STK3: variants seen among roughly 807,000 people sequenced by gnomAD.
STK3 encodes the protein serine/threonine kinase 3.
Under a neutral mutation model 58.0 loss-of-function variants are expected in STK3, and 41 were observed. The ratio of observed to expected loss-of-function variants is 0.71; its 90% confidence interval spans 0.55 to 0.92. The LOEUF (loss-of-function observed/expected upper bound fraction) is 0.92, where lower values mean the gene tolerates loss of function less well. Among genes scored for constraint, STK3 ranks in the 40% least tolerant of loss-of-function variants. The pLI is 0.00. For synonymous variants in STK3, 170 were observed against 191.0 expected (o/e 0.89, Z 0.91); for missense variants, 479 against 602.7 (o/e 0.79, Z 2.15).
intron 7 of STK3, among the ~76,000 whole-genome samples, chr8:98,587,436 A>G (rs1040622899): frequency 8.5e-5 from 13 of 152,106 alleles, no homozygotes; most frequent in Admixed American, 4.6e-4. Flanking sequence ...CCTGAGTTCT[A>G]GTTTGATTGC....
At chr8:98,662,482 C>T (rs1038276827) in intron 6 of STK3, among the ~76,000 whole-genome samples, 2 of 152,064 alleles carry the variant, frequency 1.3e-5, no homozygotes, top group South Asian at 2.1e-4. Context: ...GACTATTAAA[C>T]TTATTTTGTC....
At chr8:98,400,993 C>G (rs1460805094), downstream of STK3, among the ~76,000 whole-genome samples, 1 of 152,020 alleles carries the variant, frequency 6.6e-6, no homozygotes, top group Non-Finnish European at 1.5e-5. Context: ...TCTGGGTGGG[C>G]CTTTTGACTG....
At chr8:98,479,812 G>A (rs1821704419) in intron 10 of STK3, among the ~76,000 whole-genome samples, 1 of 152,134 alleles carries the variant, frequency 6.6e-6, no homozygotes, top group African/African-American at 2.4e-5. Context: ...AGACTTTAAA[G>A]CAGCTATAAT....
intron 1 of STK3, chr8:98,904,718 T>C: frequency 1.2e-6 from 1 of 819,996 alleles, no homozygotes; most frequent in Admixed American, 1.8e-5. Context: ...CCCATAACCG[T>C]AGCCCTCTCC....
rs1320311830 is a variant in STK3 at position 98,905,683 on chromosome 8, C to T, written c.-78-21849G>A. ...ACAGCTTCATCATCCGGACAAGCAC[C>T]TCTGGGTGGCAGCGGCGGAGGTAGC... On this transcript the variant is annotated intron_variant, in intron 1 of 1. Coordinates refer to the STK3 transcript ENST00000519420. 4 of 707,994 alleles carry T rather than the reference C, an allele frequency of 5.6e-6. No homozygotes were observed. The Middle Eastern group carries it at 8.0e-4, about 141-fold the overall frequency. 43.9% of individuals were successfully genotyped at this position (707,994 alleles called of 1,614,324 possible).
chr8:98,820,181 A>T (rs1274643090), intron 1 of STK3, among the ~76,000 whole-genome samples: 1 of 152,074 alleles, frequency 6.6e-6, no homozygotes, highest in East Asian at 1.9e-4. Context: ...TGCGTGAAGG[A>T]CCCCTAACAT....
chr8:98,836,224 G>A (rs1318347837), intron 3 of STK3, among the ~76,000 whole-genome samples: 1 of 151,794 alleles, frequency 6.6e-6, no homozygotes, highest in Non-Finnish European at 1.5e-5. Flanking sequence ...AAACCCACAA[G>A]AGAAATTTAT....
intron 2 of STK3, among the ~76,000 whole-genome samples, chr8:98,769,430 TTGCCCGC>T (rs1359839407): frequency 6.6e-6 from 1 of 152,210 alleles, no homozygotes; most frequent in Non-Finnish European, 1.5e-5. Context: ...AGCTCTCTCT[TTGCCCGC>T]TGCCATCCAT....
At chr8:98,519,586 G>C (rs1169439023) in intron 10 of STK3, among the ~76,000 whole-genome samples, 1 of 152,108 alleles carries the variant, frequency 6.6e-6, no homozygotes, top group African/African-American at 2.4e-5. Context: ...TCTGCATTTT[G>C]CAACAGTGAC....
intron 9 of STK3, among the ~76,000 whole-genome samples, chr8:98,533,648 C>A (rs1406177234): frequency 2.6e-5 from 4 of 152,058 alleles, no homozygotes; most frequent in Non-Finnish European, 4.4e-5. Context: ...CCGCCACACT[C>A]GGTTAATTTT....
chr8:98,426,827 C>T (rs1818239950), intron 3 of STK3, among the ~76,000 whole-genome samples: 1 of 152,074 alleles, frequency 6.6e-6, no homozygotes, highest in Non-Finnish European at 1.5e-5. Flanking sequence ...GAGGTGTCGG[C>T]CCCGCGCCGA....
chr8:98,871,720 T>C (rs1395198841), intron 3 of STK3, among the ~76,000 whole-genome samples: 2 of 152,244 alleles, frequency 1.3e-5, no homozygotes, highest in African/African-American at 4.8e-5. Context: ...TGACGTTGCT[T>C]ATCAGTTTAA....
At chr8:98,483,614 G>C (rs1822011912) in intron 10 of STK3, among the ~76,000 whole-genome samples, 2 of 152,164 alleles carry the variant, frequency 1.3e-5, no homozygotes, top group Non-Finnish European at 2.9e-5. Context: ...GCAGGAAATT[G>C]ATGTACAATC....
chr8:98,514,728 T>A (rs767129716), intron 10 of STK3, among the ~76,000 whole-genome samples: 9 of 152,070 alleles, frequency 5.9e-5, no homozygotes, highest in Non-Finnish European at 1.2e-4. Flanking sequence ...TCATCTCTCT[T>A]CAAGGGTCTC....
chr8:98,594,365 T>A (rs1243236427), intron 7 of STK3, among the ~76,000 whole-genome samples: 1 of 151,974 alleles, frequency 6.6e-6, no homozygotes, highest in African/African-American at 2.4e-5. Context: ...TTTGGGAGGC[T>A]GAGGCAGGCG....
chr8:98,589,775 G>T (rs1815098157), intron 7 of STK3, among the ~76,000 whole-genome samples: 1 of 152,238 alleles, frequency 6.6e-6, no homozygotes, highest in African/African-American at 2.4e-5. Context: ...GACCCTCTGA[G>T]CCAGGTGCGG....
chr8:98,775,698 T>A (rs1049267586), intron 1 of STK3, among the ~76,000 whole-genome samples: 2 of 152,202 alleles, frequency 1.3e-5, no homozygotes, highest in Non-Finnish European at 2.9e-5. Context: ...GACCACCATA[T>A]ACAACCTGAA....
chr8:98,528,320 A>G (rs1215993067), intron 9 of STK3, among the ~76,000 whole-genome samples: 1 of 152,166 alleles, frequency 6.6e-6, no homozygotes, highest in Non-Finnish European at 1.5e-5. Flanking sequence ...CTAAATAGGA[A>G]ATAAATATTT....
intron 7 of STK3, chr8:98,595,029 T>G (rs1328076883): frequency 6.6e-6 from 1 of 152,222 alleles, no homozygotes; most frequent in Non-Finnish European, 1.5e-5. Flanking sequence ...TTTCCAATCT[T>G]TTACAATTTC....
Sources: allele counts gnomAD v4.1 joint callset (sites outside exome capture counted in the v4.1 genomes callset), GRCh38; gene constraint gnomAD v4.1.1; transcripts MANE v1.5; gene names NCBI Gene and HGNC (gene_info 2026-07-23, HGNC 2026-07-21).